ZNF423: variants seen among roughly 807,000 people sequenced by gnomAD.
ZNF423 encodes the protein zinc finger protein 423.
ZNF423 carries 12 observed loss-of-function variants against 95.8 expected under a neutral mutation model. That is an observed-to-expected ratio of 0.13 (90% CI 0.08 to 0.20). The LOEUF is 0.20. ZNF423 is among the 10% of genes least tolerant of loss of function. The probability of loss-of-function intolerance (pLI) is 1.00; values close to 1 mark genes in which losing one functional copy is unlikely to be tolerated. For missense variants in ZNF423, 1,316 were observed against 1,737.1 expected (o/e 0.76, Z 4.31); for synonymous variants, 749 against 711.9 (o/e 1.05, Z -0.83).
intron 3 of ZNF423, among the ~76,000 whole-genome samples, chr16:49,687,992 G>A (rs2031630459): frequency 6.7e-6 from 1 of 150,252 alleles, no homozygotes; most frequent in African/African-American, 2.5e-5. Context: ...AAAACAGCCA[G>A]AGGGCCTCCA....
At chr16:49,811,153 G>GA (rs2034745434) in intron 1 of ZNF423, among the ~76,000 whole-genome samples, 1 of 152,192 alleles carries the variant, frequency 6.6e-6, no homozygotes, top group African/African-American at 2.4e-5. Context: ...AGGCACTACA[G>GA]AAAGATTTCA....
At chr16:49,755,075 G>A (rs2033701326) in intron 2 of ZNF423, among the ~76,000 whole-genome samples, 1 of 152,216 alleles carries the variant, frequency 6.6e-6, no homozygotes, top group Admixed American at 6.5e-5. Context: ...AGGAGGGGAG[G>A]GAGGTGTGAA....
At chr16:49,789,345 G>C in intron 2 of ZNF423, 142 bp downstream of exon 2, 1 of 665,394 alleles carries the variant, frequency 1.5e-6, no homozygotes, top group East Asian at 3.1e-5. Flanking sequence ...TATAAAAATC[G>C]TGTTGCATGG....
At position 49,789,501 on chromosome 16, in the gene ZNF423, G is replaced by A; in HGVS notation, c.86C>T (p.Ser29Phe). Residue 29 changes from serine to phenylalanine, a missense_variant, in exon 2 of 8, where the codon TCC becomes TTC. Transcript: ENST00000563137. Reference protein sequence around the residue: ...ASDFSLAWDSSVTAAGGLEGE... With the variant: ...ASDFSLAWDSFVTAAGGLEGE... ...CGGGCATTTACCTGCTGCTGTCACGGAGGAATCCCAGGCCAGCGAGAAGTC... is the reference window on the plus strand; with the variant it reads ...CGGGCATTTACCTGCTGCTGTCACGAAGGAATCCCAGGCCAGCGAGAAGTC... 1 of 1,612,492 alleles carries A rather than the reference G, an allele frequency of 6.2e-7. No individual in the cohort carries two copies.
At chr16:49,568,271 G>T (rs184741119) in intron 5 of ZNF423, among the ~76,000 whole-genome samples, 3 of 152,286 alleles carry the variant, frequency 2.0e-5, no homozygotes, top group Admixed American at 2.0e-4. Context: ...TGCCAGCTAA[G>T]GGGGTAGGAT....
intron 5 of ZNF423, among the ~76,000 whole-genome samples, chr16:49,608,306 G>A (rs970331312): frequency 6.6e-6 from 1 of 152,114 alleles, no homozygotes; most frequent in Non-Finnish European, 1.5e-5. Context: ...AGTCAGAAGA[G>A]GAGGGGAGGG....
chr16:49,552,110 G>T (rs551547946), intron 5 of ZNF423, among the ~76,000 whole-genome samples: 1 of 152,324 alleles, frequency 6.6e-6, no homozygotes, highest in Non-Finnish European at 1.5e-5. Context: ...CCATGGAAGG[G>T]GTGTGGGCTC....
chr16:49,738,436 C>A (rs1230521382), intron 2 of ZNF423, among the ~76,000 whole-genome samples: 1 of 152,146 alleles, frequency 6.6e-6, no homozygotes, highest in African/African-American at 2.4e-5. Context: ...AAGTCCCCTA[C>A]CTGAGCCTCT....
At chr16:49,676,506 G>C (rs1031623822) in intron 3 of ZNF423, among the ~76,000 whole-genome samples, 1 of 152,142 alleles carries the variant, frequency 6.6e-6, no homozygotes, top group Admixed American at 6.5e-5. Context: ...GGTGACTCTA[G>C]GGAACAAAAA....
intron 5 of ZNF423, among the ~76,000 whole-genome samples, chr16:49,624,692 G>A (rs560344012): frequency 2.0e-5 from 3 of 152,336 alleles, no homozygotes; most frequent in Non-Finnish European, 4.4e-5. Flanking sequence ...ACACCAATGA[G>A]AGGCATGATC....
chr16:49,815,914 A>ATATTTTTT (rs1445194160), intron 1 of ZNF423, among the ~76,000 whole-genome samples: 1 of 29,806 alleles, frequency 3.4e-5, no homozygotes, highest in East Asian at 1.2e-3. Flanking sequence ...ATATATATAT[A>ATATTTTTT]TTTTTTTTTT....
chr16:49,657,964 C>T (rs902498353), intron 3 of ZNF423, among the ~76,000 whole-genome samples: 2 of 152,202 alleles, frequency 1.3e-5, no homozygotes, highest in African/African-American at 4.8e-5. Context: ...GGTCTGTGTC[C>T]TATACTATTA....
intron 6 of ZNF423, among the ~76,000 whole-genome samples, chr16:49,524,465 G>T (rs1014009523): frequency 6.6e-6 from 1 of 152,196 alleles, no homozygotes; most frequent in Non-Finnish European, 1.5e-5. Flanking sequence ...GGGCTCCTGC[G>T]ATGAGGGGGA....
At chr16:49,601,596 G>A (rs774212060) in intron 5 of ZNF423, among the ~76,000 whole-genome samples, 1 of 152,238 alleles carries the variant, frequency 6.6e-6, no homozygotes, top group Non-Finnish European at 1.5e-5. Context: ...GGTGGGGACA[G>A]GCTGGAGTCC....
At chr16:49,581,033 G>A (rs544416731) in intron 5 of ZNF423, among the ~76,000 whole-genome samples, 3 of 152,100 alleles carry the variant, frequency 2.0e-5, no homozygotes, top group Non-Finnish European at 2.9e-5. Context: ...AATGATTCAC[G>A]AGATTGCCAC....
intron 7 of ZNF423, among the ~76,000 whole-genome samples, chr16:49,514,571 A>G (rs950884275): frequency 6.6e-6 from 1 of 152,134 alleles, no homozygotes; most frequent in Non-Finnish European, 1.5e-5. Context: ...GGGTACCAGG[A>G]CCCTGCCTGG....
intron 3 of ZNF423, among the ~76,000 whole-genome samples, chr16:49,692,938 G>A (rs181941478): frequency 6.6e-6 from 1 of 152,334 alleles, no homozygotes; most frequent in Non-Finnish European, 1.5e-5. Flanking sequence ...CACATAGTAG[G>A]TGCTTAATAA....
chr16:49,850,471 A>G (rs186432371), intron 1 of ZNF423, among the ~76,000 whole-genome samples: 154 of 152,348 alleles, frequency 1.0e-3, no homozygotes, highest in Non-Finnish European at 5.0e-4. Flanking sequence ...TTTTCAAGGT[A>G]TTCTACTGTA....
At chr16:49,708,603 C>T (rs1246242903) in intron 3 of ZNF423, among the ~76,000 whole-genome samples, 1 of 152,088 alleles carries the variant, frequency 6.6e-6, no homozygotes, top group Non-Finnish European at 1.5e-5. Flanking sequence ...CCTTGCAGAA[C>T]TTAGCTCCAA....
Sources: gnomAD v4.1 joint callset for allele counts (sites outside exome capture counted in the v4.1 genomes callset) on GRCh38, gnomAD v4.1.1 for gene constraint, MANE v1.5 for transcripts, NCBI Gene and HGNC (gene_info 2026-07-23, HGNC 2026-07-21) for gene names.